Variants in NRXN3 observed in about 807,000 individuals in gnomAD.
The protein encoded by NRXN3 is neurexin 3, also known as neurexin III.
Under a neutral mutation model 137.6 loss-of-function variants are expected in NRXN3, and 32 were observed. That is an observed-to-expected ratio of 0.23 (90% CI 0.18 to 0.31). The LOEUF (loss-of-function observed/expected upper bound fraction) is 0.31, where lower values mean the gene tolerates loss of function less well. Ranked by LOEUF, NRXN3 falls within the 10% of genes least tolerant of loss-of-function variation. The pLI is 1.00. For missense variants in NRXN3, 1,574 were observed against 2,062.5 expected, an observed-to-expected ratio of 0.76 and a Z score of 4.59; for synonymous variants, 798 against 784.5, an observed-to-expected ratio of 1.02 and a Z score of -0.29.
chr14:79,388,091 T>A (rs1163175589), intron 15 of NRXN3, among the ~76,000 whole-genome samples: 3 of 140,682 alleles, frequency 2.1e-5, no homozygotes, highest in African/African-American at 7.8e-5. Flanking sequence ...ACCCTAAAAC[T>A]TAAAGTATAA....
At chr14:79,123,157 G>A (rs954618362) in intron 15 of NRXN3, among the ~76,000 whole-genome samples, 3 of 152,054 alleles carry the variant, frequency 2.0e-5, no homozygotes, top group Non-Finnish European at 2.9e-5. Context: ...CAAGCCTCTG[G>A]TTGACTCCTG....
chr14:78,748,691 G>C (rs1399158699), intron 8 of NRXN3, among the ~76,000 whole-genome samples: 1 of 152,134 alleles, frequency 6.6e-6, no homozygotes, highest in Non-Finnish European at 1.5e-5. Context: ...AGAAATGGCA[G>C]GACATGCTGA....
At chr14:79,348,908 A>G (rs140442672) in intron 15 of NRXN3, among the ~76,000 whole-genome samples, 104 of 152,310 alleles carry the variant, frequency 6.8e-4, no homozygotes, top group African/African-American at 2.4e-3. Context: ...ATAGAACCTT[A>G]GGAGAGAATG....
chr14:78,414,348 T>G (rs1284962777), intron 4 of NRXN3, among the ~76,000 whole-genome samples: 1 of 152,144 alleles, frequency 6.6e-6, no homozygotes, highest in Non-Finnish European at 1.5e-5. Flanking sequence ...TAGGACTGTG[T>G]AAGGGCAGGG....
In NRXN3 at chr14:79,192,765, ATT is replaced by A. The variant is rs961910712; in HGVS notation, c.3262+204646_3262+204647del. Among the ~76,000 whole-genome samples the A allele has an allele frequency of 5.4e-3, 625 of 115,294 alleles. 7 individuals carry two copies. Among genetic ancestry groups the A allele is most frequent in the African/African-American group, 7.9e-3 (235 of 29,900 alleles). The allele number at this position is 115,294 out of a possible 152,430, so 75.6% of individuals were successfully genotyped here. ...TAAAAAGACATGTACAATTCTCTTA[ATT>A]TTTTTTTTTTTTTTTTTTTTTGAGA... On this transcript the variant is annotated intron_variant, in intron 15 of 20. Coordinates refer to ENST00000335750, the MANE Select transcript of NRXN3 (RefSeq NM_001330195.2).
Position 78,651,224 on chromosome 14 carries a change from C to T in NRXN3, c.1119C>T (p.Thr373=). Residue 373 remains threonine (T), a synonymous_variant, in exon 6 of 21, where the codon ACC becomes ACT. Coordinates refer to ENST00000335750, the MANE Select transcript of NRXN3 (RefSeq NM_001330195.2). ...TTTGYTQEDY[T]MLGSDDFFYV... ...CGGGCTACACTCAAGAGGACTATAC[C>T]ATGCTGGGCTCGGACGACTTCTTCT... The T allele has an allele frequency of 4.3e-6, 7 of 1,613,988 alleles. No individual in the cohort carries two copies. The highest frequency in any genetic ancestry group is 1.7e-6 in the Non-Finnish European group (2 of 1,179,948).
intron 4 of NRXN3, among the ~76,000 whole-genome samples, chr14:78,552,297 T>G (rs1310349966): frequency 6.6e-6 from 1 of 152,220 alleles, no homozygotes; most frequent in East Asian, 1.9e-4. Flanking sequence ...TTTTCTTCCT[T>G]CCTTTTGAGT....
intron 15 of NRXN3, chr14:79,072,539 C>A (rs1005552382): frequency 6.6e-6 from 1 of 152,068 alleles, no homozygotes; most frequent in Non-Finnish European, 1.5e-5. Flanking sequence ...TATAGCATAA[C>A]GGAGATAATA....
chr14:78,282,363 C>T (rs2074521296), intron 3 of NRXN3: 1 of 330,216 alleles, frequency 3.0e-6, no homozygotes, highest in African/African-American at 2.2e-5. Flanking sequence ...GTGTGAGACC[C>T]TTCTTCTCCC....
At chr14:79,491,779 G>A (rs141539111) in intron 16 of NRXN3, among the ~76,000 whole-genome samples, 454 of 152,162 alleles carry the variant, frequency 3.0e-3, no homozygotes, top group Non-Finnish European at 4.9e-3. Flanking sequence ...TTTAGGCAGG[G>A]CAATCTCCTT....
chr14:78,792,389 C>G (rs867998841), intron 8 of NRXN3, among the ~76,000 whole-genome samples: 3 of 150,654 alleles, frequency 2.0e-5, no homozygotes, highest in South Asian at 4.2e-4. Context: ...AGGGAAAGTG[C>G]TGAAGATATC....
intron 15 of NRXN3, among the ~76,000 whole-genome samples, chr14:79,389,121 G>T (rs2094751699): frequency 6.6e-6 from 1 of 152,192 alleles, no homozygotes; most frequent in Non-Finnish European, 1.5e-5. Flanking sequence ...GTTATTTCAT[G>T]TCAGACATTG....
chr14:78,486,417 C>T (rs2095560065), intron 4 of NRXN3, among the ~76,000 whole-genome samples: 1 of 152,200 alleles, frequency 6.6e-6, no homozygotes, highest in East Asian at 1.9e-4. Context: ...GGTATGTGTG[C>T]ACTCTGCCCA....
rs761783717 is a variant in NRXN3 at position 78,544,465 on chromosome 14, G to A, written c.758-100655G>A. Among the ~76,000 whole-genome samples, 72 of 152,178 alleles carry A rather than the reference G, an allele frequency of 4.7e-4. 1 individual carries two copies. Among genetic ancestry groups the A allele is most frequent in the Non-Finnish European group, 9.8e-4 (67 of 68,036 alleles). ...AGTACTTATTTCCATGGATCAAAAG[G>A]ATGGGGAAATGCTGATGGAGAGTTG... On this transcript the variant is annotated intron_variant, in intron 4 of 20. Transcript: ENST00000335750.
intron 4 of NRXN3, among the ~76,000 whole-genome samples, chr14:78,400,433 T>C (rs2091944230): frequency 1.3e-5 from 2 of 152,214 alleles, no homozygotes; most frequent in African/African-American, 4.8e-5. Context: ...TTTATGGGCA[T>C]CTTTTATAGA....
intron 15 of NRXN3, among the ~76,000 whole-genome samples, chr14:79,131,867 A>T (rs2057539170): frequency 6.6e-6 from 1 of 152,218 alleles, no homozygotes; most frequent in Non-Finnish European, 1.5e-5. Flanking sequence ...CAGGTGTGGG[A>T]TATAATCTCC....
intron 15 of NRXN3, among the ~76,000 whole-genome samples, chr14:79,324,002 A>G (rs1284634560): frequency 6.6e-6 from 1 of 152,252 alleles, no homozygotes; most frequent in Non-Finnish European, 1.5e-5. Context: ...TGGTCAATGC[A>G]GAAAATATTT....
intron 16 of NRXN3, among the ~76,000 whole-genome samples, chr14:79,538,455 G>T (rs2097236734): frequency 6.6e-6 from 1 of 152,070 alleles, no homozygotes; most frequent in Admixed American, 6.6e-5. Flanking sequence ...AATCCATCTT[G>T]AATATCTTGA....
At chr14:79,325,918 A>G (rs1248284967) in intron 15 of NRXN3, among the ~76,000 whole-genome samples, 2 of 152,102 alleles carry the variant, frequency 1.3e-5, no homozygotes, top group Non-Finnish European at 2.9e-5. Context: ...CTTCAAAAGG[A>G]AAAAATAAAA....
Sources: gnomAD v4.1 joint callset for allele counts (sites outside exome capture counted in the v4.1 genomes callset) on GRCh38, gnomAD v4.1.1 for gene constraint, MANE v1.5 for transcripts, NCBI Gene and HGNC (gene_info 2026-07-23, HGNC 2026-07-21) for gene names.